The following FILIP1 variants were observed in gnomAD, a reference collection of about 807,000 sequenced individuals.
FILIP1 encodes the protein filamin A interacting protein 1.
In FILIP1, 61 loss-of-function variants were observed where a neutral mutation model predicts 102.1. The ratio of observed to expected loss-of-function variants is 0.60; its 90% CI spans 0.49 to 0.74. The LOEUF is 0.74. Among genes scored for constraint, FILIP1 ranks in the 30% least tolerant of loss-of-function variants. The pLI is 0.00. For missense variants in FILIP1, 1,314 were observed against 1,441.2 expected, an observed-to-expected ratio of 0.91 and a Z score of 1.43; for synonymous variants, 491 against 526.9, an observed-to-expected ratio of 0.93 and a Z score of 0.93.
intron 2 of FILIP1, 139 bp from the exon 3 acceptor site, chr6:75,363,056 ATTTT>A: frequency 1.6e-6 from 1 of 626,022 alleles, no homozygotes; most frequent in Non-Finnish European, 2.5e-6. Context: ...TTCTGCTCTA[ATTTT>A]TTTTTTTAAC....
chr6:75,380,305 A>AG (rs201691264), intron 2 of FILIP1, among the ~76,000 whole-genome samples: 8,082 of 152,194 alleles, frequency 0.053, 295 homozygotes, highest in Non-Finnish European at 0.076. Context: ...GAAGAACCCT[A>AG]AAGCTCAAAA....
intron 1 of FILIP1, among the ~76,000 whole-genome samples, chr6:75,459,294 G>A (rs1018898835): frequency 2.6e-5 from 4 of 152,064 alleles, no homozygotes; most frequent in African/African-American, 4.8e-5. Flanking sequence ...TTTTTAAAAC[G>A]CAGTATTAAA....
intron 4 of FILIP1, among the ~76,000 whole-genome samples, chr6:75,350,058 G>T (rs1409022223): frequency 6.6e-6 from 1 of 151,748 alleles, no homozygotes; most frequent in East Asian, 1.9e-4. Context: ...GCCTCAGATC[G>T]CAGAGAAATT....
At chr6:75,372,310 T>G (rs569673687) in intron 2 of FILIP1, among the ~76,000 whole-genome samples, 1 of 144,816 alleles carries the variant, frequency 6.9e-6, no homozygotes, top group South Asian at 2.1e-4. Flanking sequence ...GAGGTTGCGA[T>G]GAGCTGAGAT....
intron 4 of FILIP1, 104 bp from the exon 5 acceptor site, chr6:75,315,306 C>A: frequency 1.5e-6 from 1 of 674,922 alleles, no homozygotes; most frequent in Non-Finnish European, 2.3e-6. Flanking sequence ...AATCCCTTAT[C>A]AATTGCTATA....
chr6:75,488,681 T>C (rs1779865818), intron 1 of FILIP1, among the ~76,000 whole-genome samples: 1 of 152,118 alleles, frequency 6.6e-6, no homozygotes, highest in African/African-American at 2.4e-5. Context: ...TCCTTTCAAC[T>C]GGGAAAAATA....
At chr6:75,486,064 G>T (rs1176491125) in intron 1 of FILIP1, among the ~76,000 whole-genome samples, 2 of 151,758 alleles carry the variant, frequency 1.3e-5, no homozygotes, top group Non-Finnish European at 2.9e-5. Context: ...CAACAACGGG[G>T]ATAAGTATTT....
chr6:75,315,309 T>C (rs562708916), intron 4 of FILIP1, 107 bp from the exon 5 acceptor site: 23 of 663,642 alleles, frequency 3.5e-5, no homozygotes, highest in Non-Finnish European at 5.4e-5. Context: ...CCCTTATCAA[T>C]TGCTATAATT....
intron 1 of FILIP1, among the ~76,000 whole-genome samples, chr6:75,472,021 C>T (rs960892560): frequency 1.3e-5 from 2 of 152,144 alleles, no homozygotes; most frequent in African/African-American, 2.4e-5. Flanking sequence ...CTATTACTAA[C>T]GTAATTTAAA....
At chr6:75,318,435 G>A (rs1288322328) in intron 4 of FILIP1, among the ~76,000 whole-genome samples, 1 of 151,594 alleles carries the variant, frequency 6.6e-6, no homozygotes, top group Admixed American at 6.6e-5. Context: ...GAGTCGCCCC[G>A]ATGTCACCTA....
chr6:75,301,428 A>G lies in FILIP1; in HGVS notation c.3494-5478T>C, dbSNP rs558865833. Among the ~76,000 whole-genome samples the G allele has an allele frequency of 1.9e-4, 29 of 152,268 alleles. No individual in the cohort carries two copies. The South Asian group carries it at 5.8e-3, about 30-fold the overall frequency. On this transcript the variant is annotated intron_variant, in intron 6 of 6. Coordinates refer to the FILIP1 transcript ENST00000393004. ...GCCTTATCATTAATAAGATGCTTAG[A>G]CATCTGTACGCCTCAGGGATTTTTT...
chr6:75,297,093 A>G (rs780803161), intron 6 of FILIP1: 1 of 152,184 alleles, frequency 6.6e-6, no homozygotes, highest in Non-Finnish European at 1.5e-5. Context: ...CATCCAAAAA[A>G]TTTATTATTA....
intron 4 of FILIP1, among the ~76,000 whole-genome samples, chr6:75,338,268 A>G (rs1327769635): frequency 6.6e-6 from 1 of 152,230 alleles, no homozygotes; most frequent in African/African-American, 2.4e-5. Context: ...CCCCTGAATA[A>G]TATTTGAATA....
At chr6:75,411,308 T>C (rs1362026516) in intron 2 of FILIP1, among the ~76,000 whole-genome samples, 1 of 152,252 alleles carries the variant, frequency 6.6e-6, no homozygotes, top group African/African-American at 2.4e-5. Flanking sequence ...TTGTAGATTC[T>C]GGATATTAGC....
intron 6 of FILIP1, chr6:75,296,475 T>TTTTTTTTATTA (rs565379089): frequency 1.4e-4 from 19 of 140,394 alleles, no homozygotes; most frequent in African/African-American, 5.0e-4. Flanking sequence ...ACTCTATATG[T>TTTTTTTTATTA]TTATTATTAT....
exon 7 of FILIP1, chr6:75,292,680 A>C (rs1167673756): frequency 6.6e-6 from 1 of 150,484 alleles, no homozygotes; most frequent in African/African-American, 2.5e-5. Context: ...AAAGAAGGGG[A>C]AATATGCTTC....
chr6:75,384,267 T>A (rs1436387736), intron 2 of FILIP1, among the ~76,000 whole-genome samples: 1 of 152,214 alleles, frequency 6.6e-6, no homozygotes, highest in African/African-American at 2.4e-5. Context: ...AATAACAATT[T>A]CCACTGTGAT....
intron 1 of FILIP1, among the ~76,000 whole-genome samples, chr6:75,490,464 T>C (rs546461382): frequency 6.6e-6 from 1 of 152,286 alleles, no homozygotes; most frequent in South Asian, 2.1e-4. Context: ...AAAAGGATCA[T>C]AACGTATTTA....
intron 2 of FILIP1, among the ~76,000 whole-genome samples, chr6:75,411,097 T>C (rs1777052694): frequency 6.6e-6 from 1 of 152,236 alleles, no homozygotes; most frequent in East Asian, 1.9e-4. Context: ...TTCCTGGCAT[T>C]TTAATGATCA....
Sources: gnomAD v4.1 joint callset for allele counts (sites outside exome capture counted in the v4.1 genomes callset) on GRCh38, gnomAD v4.1.1 for gene constraint, MANE v1.5 for transcripts, NCBI Gene and HGNC (gene_info 2026-07-23, HGNC 2026-07-21) for gene names.